Variants in ITPR1 observed in about 807,000 individuals in gnomAD.
The protein encoded by ITPR1 is inositol 1,4,5-trisphosphate receptor type 1, also known as inositol 1,4,5-trisphosphate-gated calcium channel ITPR1.
In ITPR1, 96 loss-of-function variants were observed where a neutral mutation model predicts 318.4. That is an observed-to-expected ratio of 0.30 (90% CI 0.26 to 0.36). The LOEUF is 0.36. Among genes scored for constraint, ITPR1 ranks in the 10% least tolerant of loss-of-function variants. ITPR1 has a pLI of 1.00. For synonymous variants in ITPR1, 1,312 were observed against 1,289.9 expected (o/e 1.02, Z -0.37); for missense variants, 2,440 against 3,460.2 (o/e 0.71, Z 7.40).
At chr3:4,637,503 C>A (rs2125145376) in intron 5 of ITPR1, among the ~76,000 whole-genome samples, 1 of 152,250 alleles carries the variant, frequency 6.6e-6, no homozygotes, top group South Asian at 2.1e-4. Context: ...AACTTGCATG[C>A]CAAAGATTGC....
intron 61 of ITPR1, among the ~76,000 whole-genome samples, chr3:4,839,515 A>T (rs1228729409): frequency 6.6e-6 from 1 of 151,912 alleles, no homozygotes; most frequent in East Asian, 1.9e-4. Flanking sequence ...TTGTTATGTC[A>T]CTGTACTGTT....
chr3:4,662,776 A>G (rs570655748), intron 15 of ITPR1, among the ~76,000 whole-genome samples: 19 of 152,226 alleles, frequency 1.2e-4, no homozygotes, highest in Non-Finnish European at 1.8e-4. Context: ...TTCTGTCTCT[A>G]AGTTGGTCTC....
intron 44 of ITPR1, among the ~76,000 whole-genome samples, chr3:4,740,343 T>C (rs1351279081): frequency 2.6e-5 from 4 of 152,226 alleles, no homozygotes; most frequent in Non-Finnish European, 4.4e-5. Flanking sequence ...AAGTGTTGAC[T>C]CTTGTCTTTC....
intron 42 of ITPR1, among the ~76,000 whole-genome samples, chr3:4,728,123 T>G (rs1413246577): frequency 6.6e-6 from 1 of 152,246 alleles, no homozygotes; most frequent in Non-Finnish European, 1.5e-5. Context: ...AATGAATGAA[T>G]GTGTGCATCT....
intron 23 of ITPR1, 99 bp downstream of exon 23, chr3:4,675,347 G>T: frequency 1.2e-6 from 1 of 817,974 alleles, no homozygotes; most frequent in Non-Finnish European, 1.9e-6. Flanking sequence ...TCCTTTCTTT[G>T]TTCATTCCTT....
chr3:4,569,114 A>G (rs2087708341), intron 4 of ITPR1, among the ~76,000 whole-genome samples: 1 of 152,184 alleles, frequency 6.6e-6, no homozygotes, highest in East Asian at 1.9e-4. Flanking sequence ...GTGGAGACAA[A>G]TATCCAAACT....
chr3:4,806,627 C>T (rs2048571424), intron 55 of ITPR1, among the ~76,000 whole-genome samples: 1 of 152,206 alleles, frequency 6.6e-6, no homozygotes, highest in African/African-American at 2.4e-5. Flanking sequence ...GTTTTTGAGG[C>T]TGTCATCCAA....
chr3:4,832,265 A>G (rs150750459), intron 60 of ITPR1, among the ~76,000 whole-genome samples: 116 of 152,360 alleles, frequency 7.6e-4, no homozygotes, highest in African/African-American at 2.5e-3. Context: ...TTTCTGGACC[A>G]GAAAATCCTT....
intron 2 of ITPR1, among the ~76,000 whole-genome samples, chr3:4,496,850 A>G (rs1221722993): frequency 1.3e-5 from 2 of 152,204 alleles, no homozygotes; most frequent in Non-Finnish European, 2.9e-5. Context: ...AACAAACAAA[A>G]ATAAAACAAA....
Position 4,642,218 on chromosome 3 carries a change from G to A in ITPR1, c.492G>A (p.Gln164=), listed in dbSNP as rs1446998252. 2 of 1,587,196 alleles carry A rather than the reference G, an allele frequency of 1.3e-6. No homozygotes were observed. Among genetic ancestry groups the A allele is most frequent in the East Asian group, 4.5e-5 (2 of 44,402 alleles). Residue 164 remains glutamine, a synonymous_variant, in exon 7 of 62, where the codon CAG becomes CAA. Transcript: ENST00000649015. ...ATGAAGGGTCCTGGTTTTATATTCA[G>A]CCATTCTACAAGCTGCGATCCATTG... ...AGNEGSWFYI[Q]PFYKLRSIGD... is the part of the protein sequence containing the mutation.
chr3:4,666,661 G>A (rs966158014), intron 17 of ITPR1, among the ~76,000 whole-genome samples: 4 of 152,086 alleles, frequency 2.6e-5, no homozygotes, highest in African/African-American at 9.7e-5. Context: ...GAATTAATGG[G>A]AAAAAAATTA....
chr3:4,812,941 A>G (rs909186856), intron 56 of ITPR1: 9 of 592,596 alleles, frequency 1.5e-5, no homozygotes, highest in Non-Finnish European at 2.7e-5. Flanking sequence ...GTAAGCCTAC[A>G]GGAATTGACA....
intron 4 of ITPR1, among the ~76,000 whole-genome samples, chr3:4,535,689 C>T (rs2083812411): frequency 6.6e-6 from 1 of 151,978 alleles, no homozygotes; most frequent in South Asian, 2.1e-4. Context: ...TTGTGATCCA[C>T]CCGCCTCGGC....
At chr3:4,619,029 G>A (rs1224586757) in intron 4 of ITPR1, among the ~76,000 whole-genome samples, 2 of 152,084 alleles carry the variant, frequency 1.3e-5, no homozygotes, top group African/African-American at 2.4e-5. Context: ...TTGTTATTTC[G>A]ATACAGTTCA....
chr3:4,708,412 G>C (rs1310338469), intron 37 of ITPR1, among the ~76,000 whole-genome samples: 2 of 152,136 alleles, frequency 1.3e-5, no homozygotes, highest in African/African-American at 2.4e-5. Flanking sequence ...AAGCTGGGGA[G>C]GCTGGCGGGA....
intron 35 of ITPR1, among the ~76,000 whole-genome samples, chr3:4,702,110 A>G (rs2094667123): frequency 7.1e-6 from 1 of 140,998 alleles, no homozygotes. Context: ...CCAAAACTAT[A>G]ATTTTTTAAT....
Position 4,533,117 on chromosome 3 carries a change from A to C in ITPR1, c.163+12023A>C, listed in dbSNP as rs541635133. Reference sequence around the variant, plus strand: ...CAATAAACAGCTGGGGAGAGCACAGATGCACTGTAGACAAGAAACTCTCTG... The same window carrying C: ...CAATAAACAGCTGGGGAGAGCACAGCTGCACTGTAGACAAGAAACTCTCTG... On this transcript the variant is annotated intron_variant, in intron 4 of 61. Transcript: ENST00000649015. 3.3e-4 allele frequency among the ~76,000 whole-genome samples: 50 copies of C among 152,374 alleles called. 1 individual carries two copies. Among genetic ancestry groups the C allele is most frequent in the Admixed American group, 6.5e-4 (10 of 15,312 alleles).
At chr3:4,658,320 G>A (rs760245506) in intron 13 of ITPR1, 42 bp downstream of exon 13, 8 of 1,550,294 alleles carry the variant, frequency 5.2e-6, no homozygotes, top group South Asian at 1.2e-5. Flanking sequence ...ATCAGGCCTG[G>A]TGTAGGTGGC....
intron 4 of ITPR1, among the ~76,000 whole-genome samples, chr3:4,622,650 T>A (rs1439820518): frequency 1.3e-5 from 2 of 152,174 alleles, no homozygotes; most frequent in African/African-American, 4.8e-5. Flanking sequence ...CTTGACCTCG[T>A]GATCCTCCTG....
Sources: gnomAD v4.1 joint callset for allele counts (sites outside exome capture counted in the v4.1 genomes callset) on GRCh38, gnomAD v4.1.1 for gene constraint, MANE v1.5 for transcripts, NCBI Gene and HGNC (gene_info 2026-07-23, HGNC 2026-07-21) for gene names.